Variants in PROS1 observed in about 807,000 individuals in gnomAD.
PROS1 encodes the protein vitamin K-dependent protein S.
A neutral mutation model predicts 75.9 loss-of-function variants in PROS1; 29 were observed. That is an observed-to-expected ratio of 0.38 (90% CI 0.28 to 0.52). PROS1 has a LOEUF of 0.52. Ranked by LOEUF, PROS1 falls within the 20% of genes least tolerant of loss-of-function variation. The pLI is 0.83. For missense variants in PROS1, 680 were observed against 810.3 expected (o/e 0.84, Z 1.95); for synonymous variants, 245 against 280.6 (o/e 0.87, Z 1.27).
intron 3 of PROS1, among the ~76,000 whole-genome samples, chr3:93,919,007 T>C (rs568061251): frequency 3.7e-4 from 57 of 152,324 alleles, no homozygotes; most frequent in African/African-American, 1.3e-3. Flanking sequence ...TGCTGCTACA[T>C]ATAATTCATT....
chr3:93,968,206 C>A (rs1709819364), intron 1 of PROS1, among the ~76,000 whole-genome samples: 1 of 152,062 alleles, frequency 6.6e-6, no homozygotes, highest in South Asian at 2.1e-4. Flanking sequence ...AGGGTCTTTG[C>A]AGATGATCAA....
chr3:93,914,072 C>T (rs1047326663), intron 3 of PROS1, among the ~76,000 whole-genome samples: 1 of 152,258 alleles, frequency 6.6e-6, no homozygotes, highest in Non-Finnish European at 1.5e-5. Flanking sequence ...GCCAGCCCAT[C>T]CCTATGGCTT....
chr3:93,947,264 A>G (rs189793901), intron 1 of PROS1, among the ~76,000 whole-genome samples: 1 of 152,276 alleles, frequency 6.6e-6, no homozygotes, highest in Non-Finnish European at 1.5e-5. Flanking sequence ...ACAGTGTGGC[A>G]ATTTCTCAAG....
intron 1 of PROS1, among the ~76,000 whole-genome samples, chr3:93,957,536 A>T (rs554490334): frequency 2.4e-4 from 37 of 152,350 alleles, no homozygotes; most frequent in African/African-American, 8.7e-4. Context: ...TGTATGTTTC[A>T]AAACAACTAA....
intron 6 of PROS1, among the ~76,000 whole-genome samples, chr3:93,905,269 C>T (rs576685468): frequency 7.9e-5 from 12 of 152,108 alleles, no homozygotes; most frequent in South Asian, 2.1e-4. Flanking sequence ...AGTGTGTACA[C>T]GCACATACAA....
At chr3:93,906,184 T>C (rs754343381) in intron 4 of PROS1, 41 bp from the exon 5 acceptor site, 5 of 1,605,792 alleles carry the variant, frequency 3.1e-6, no homozygotes, top group Non-Finnish European at 3.4e-6. Flanking sequence ...TTATCTCATG[T>C]CATGGAAAAA....
At chr3:93,917,428 T>C (rs1287332672) in intron 3 of PROS1, among the ~76,000 whole-genome samples, 2 of 152,246 alleles carry the variant, frequency 1.3e-5, no homozygotes, top group East Asian at 3.9e-4. Flanking sequence ...GCCTCCCCAG[T>C]AGCTGTGAGA....
In PROS1 at chr3:93,886,963, C is replaced by G. The variant is rs1486897554; in HGVS notation, c.1156-460G>C. 2.0e-5 allele frequency among the ~76,000 whole-genome samples: 3 copies of G among 147,502 alleles called. No individual in the cohort carries two copies. In the South Asian group the frequency reaches 6.4e-4, roughly 31 times the overall value. On this transcript the variant is annotated intron_variant, in intron 10 of 14. Transcript: ENST00000394236. ...GTCTCGCTCTGTCGCCCAGGCCAGACTGCGGACTGCAGTGGCGCAATCTCG... is the reference window on the plus strand; with the variant it reads ...GTCTCGCTCTGTCGCCCAGGCCAGAGTGCGGACTGCAGTGGCGCAATCTCG...
rs1346223966 is a variant in PROS1, at chr3:93,925,966, C to T, written c.234+1284G>A. On this transcript the variant is annotated intron_variant, in intron 2 of 14. Transcript: ENST00000394236. ...AGCACATGAATGAGTTTTCCTTCCT[C>T]ACTATCTTTCCTCCTCCACATCAAG... 3.3e-5 allele frequency among the ~76,000 whole-genome samples: 5 copies of T among 152,028 alleles called. No homozygotes were observed. In the South Asian group the frequency reaches 1.0e-3, roughly 32 times the overall value.
chr3:93,891,078 T>C (rs781473321), intron 10 of PROS1, among the ~76,000 whole-genome samples: 10 of 151,992 alleles, frequency 6.6e-5, no homozygotes, highest in Non-Finnish European at 1.3e-4. Context: ...CCAGCCTGGG[T>C]GACAGAGCAA....
chr3:93,931,895 G>A (rs1246043598), intron 1 of PROS1, among the ~76,000 whole-genome samples: 1 of 152,222 alleles, frequency 6.6e-6, no homozygotes, highest in East Asian at 1.9e-4. Context: ...AAATTATGTG[G>A]TTGTGCAGTG....
chr3:93,909,458 T>C (rs1317039743), intron 4 of PROS1, among the ~76,000 whole-genome samples: 1 of 146,570 alleles, frequency 6.8e-6, no homozygotes, highest in Non-Finnish European at 1.5e-5. Context: ...AAAAAAAACG[T>C]ACAAGTAAAG....
chr3:93,941,795 C>A (rs1190731088), intron 1 of PROS1, among the ~76,000 whole-genome samples: 3 of 152,220 alleles, frequency 2.0e-5, no homozygotes, highest in East Asian at 1.9e-4. Flanking sequence ...TGCCATAACA[C>A]TTTTAGAGGC....
chr3:93,953,840 C>G (rs1389933951), intron 1 of PROS1, among the ~76,000 whole-genome samples: 9 of 152,118 alleles, frequency 5.9e-5, no homozygotes, highest in Non-Finnish European at 4.4e-5. Flanking sequence ...CTCGTCTCAG[C>G]CCAAAATCTC....
At chr3:93,944,355 A>G (rs921158034) in intron 1 of PROS1, among the ~76,000 whole-genome samples, 1 of 152,220 alleles carries the variant, frequency 6.6e-6, no homozygotes, top group Non-Finnish European at 1.5e-5. Flanking sequence ...AGAAAAATCA[A>G]CAAAATATAC....
Position 93,876,567 on chromosome 3 carries a change from C to A in PROS1, c.1870+399G>T, listed in dbSNP as rs1336678290. On this transcript the variant is annotated intron_variant, in intron 14 of 14. Coordinates refer to ENST00000394236, the MANE Select transcript of PROS1 (RefSeq NM_000313.4). ...TCGTGCCACTGCACTCCAGCCTGGG[C>A]GACAGAGCCAGACTCCATCTCAAAA... Among the ~76,000 whole-genome samples the A allele has an allele frequency of 2.7e-5, 3 of 112,578 alleles. No homozygotes were observed. The Admixed American group carries it at 4.1e-4, about 15-fold the overall frequency. 73.9% of individuals were successfully genotyped at this position (112,578 alleles called of 152,430 possible). A position where few individuals can be genotyped will look rare whatever the true frequency, so the allele number is the denominator to read the frequency against.
At chr3:93,918,934 T>G (rs2107190027) in intron 3 of PROS1, among the ~76,000 whole-genome samples, 1 of 152,308 alleles carries the variant, frequency 6.6e-6, no homozygotes, top group South Asian at 2.1e-4. Context: ...GTGTAAATGG[T>G]TTTGTGTTAT....
At position 93,910,582 on chromosome 3, in the gene PROS1, T is replaced by C. The variant is rs544167424; in HGVS notation, c.346+37A>G. 3.2e-5 allele frequency: 49 copies of C among 1,535,126 alleles called. No individual in the cohort carries two copies. The South Asian group carries it at 3.5e-4, about 11-fold the overall frequency. On this transcript the variant is annotated intron_variant, in intron 4 of 14. Coordinates refer to ENST00000394236, the MANE Select transcript of PROS1 (RefSeq NM_000313.4). The stretch of plus-strand genomic sequence containing the variant: ...TGGGTGTACTTTACCTACAGAGTTT[T>C]TGTTTTGTTTTTTCAATTGATGGTA...
Position 93,973,765 on chromosome 3 carries a change from G to A in PROS1, c.-16C>T. On this transcript the variant is annotated 5_prime_UTR_variant, in exon 1 of 15. Transcript: ENST00000394236. ...GGACCCTCATTTCGAAGCGCGCGGA[G>A]GCGCCGGCAGGGACGGTGGCGCGTC... 1 of 1,606,516 alleles carries A rather than the reference G, an allele frequency of 6.2e-7. No homozygotes were observed. Among genetic ancestry groups the A allele is most frequent in the Non-Finnish European group, 8.5e-7 (1 of 1,176,580 alleles).
Sources: gnomAD v4.1 joint callset for allele counts (sites outside exome capture counted in the v4.1 genomes callset) on GRCh38, gnomAD v4.1.1 for gene constraint, MANE v1.5 for transcripts, NCBI Gene and HGNC (gene_info 2026-07-23, HGNC 2026-07-21) for gene names.